The following ZC3H12B variants were observed in gnomAD, a reference collection of about 807,000 sequenced individuals.
The protein encoded by ZC3H12B is probable ribonuclease ZC3H12B.
In ZC3H12B, 7 loss-of-function variants were observed where a neutral mutation model predicts 43.9. The ratio of observed to expected loss-of-function variants is 0.16; its 90% CI spans 0.09 to 0.30. The LOEUF is 0.30. Among genes scored for constraint, ZC3H12B ranks in the 10% least tolerant of loss-of-function variants. The pLI is 1.00. For synonymous variants in ZC3H12B, 222 were observed against 241.7 expected (o/e 0.92, Z 0.76); for missense variants, 475 against 670.2 (o/e 0.71, Z 3.22).
the ZC3H12B span, among the ~76,000 whole-genome samples, chrX:65,318,813 T>G: frequency 1.8e-5 from 2 of 111,246 alleles, no homozygotes; most frequent in Non-Finnish European, 3.8e-5. Flanking sequence ...AATAACCTAC[T>G]CTTGAGTGAC....
chrX:65,472,571 C>A (rs1167261324), intron 3 of ZC3H12B, among the ~76,000 whole-genome samples: 1 of 108,467 alleles, frequency 9.2e-6, no homozygotes, highest in African/African-American at 3.4e-5. Flanking sequence ...ATGTTTAAGT[C>A]TTTAATCCAA....
At chrX:65,061,436 G>C in the ZC3H12B span, among the ~76,000 whole-genome samples, 1 of 112,184 alleles carries the variant, frequency 8.9e-6, no homozygotes, top group African/African-American at 3.2e-5. Context: ...CTGTTCCTGT[G>C]TCAGTTTGCT....
chrX:65,337,869 C>A, the ZC3H12B span, among the ~76,000 whole-genome samples: 4 of 112,307 alleles, frequency 3.6e-5, no homozygotes, highest in Admixed American at 9.4e-5. Context: ...CACAACAATC[C>A]TTAGTACTCA....
At chrX:65,167,314 T>G in the ZC3H12B span, among the ~76,000 whole-genome samples, 10 of 112,071 alleles carry the variant, frequency 8.9e-5, no homozygotes, top group African/African-American at 1.9e-4. Context: ...TTTCCCCATT[T>G]CTGGTTTTTG....
chrX:65,417,617 C>A (rs1055770137), intron 3 of ZC3H12B, among the ~76,000 whole-genome samples: 3 of 112,575 alleles, frequency 2.7e-5, no homozygotes, highest in Non-Finnish European at 5.6e-5. Context: ...CATTCTATGG[C>A]AGATTAAATT....
chrX:65,171,654 G>A, the ZC3H12B span, among the ~76,000 whole-genome samples: 4 of 111,178 alleles, frequency 3.6e-5, no homozygotes, highest in Non-Finnish European at 3.8e-5. Context: ...AGTCTACAGA[G>A]GTAGGCAGGC....
intron 3 of ZC3H12B, among the ~76,000 whole-genome samples, chrX:65,454,859 G>A (rs929076824): frequency 8.9e-5 from 10 of 111,837 alleles, no homozygotes; most frequent in Non-Finnish European, 9.4e-5. Context: ...CTGATACCCA[G>A]GCAAACAGGG....
chrX:65,188,358 AT>A, the ZC3H12B span, among the ~76,000 whole-genome samples: 12,741 of 75,540 alleles, frequency 0.17, 901 homozygotes, highest in African/African-American at 0.3. Flanking sequence ...TGGTTGCTCT[AT>A]TTTTTTTTTT....
the ZC3H12B span, among the ~76,000 whole-genome samples, chrX:65,064,953 A>G: frequency 1.8e-5 from 2 of 110,930 alleles, no homozygotes; most frequent in African/African-American, 3.3e-5. Flanking sequence ...TACATAGACT[A>G]GGATTGCAAC....
At chrX:65,255,633 A>T in the ZC3H12B span, among the ~76,000 whole-genome samples, 1 of 112,238 alleles carries the variant, frequency 8.9e-6, no homozygotes, top group South Asian at 3.7e-4. Flanking sequence ...CCATACAAAA[A>T]GTCTGCATAA....
At chrX:65,123,208 GT>G in the ZC3H12B span, among the ~76,000 whole-genome samples, 2 of 111,616 alleles carry the variant, frequency 1.8e-5, no homozygotes, top group Non-Finnish European at 3.8e-5. Flanking sequence ...TCTTGGTTCT[GT>G]TTATTTGATG....
intron 1 of ZC3H12B, among the ~76,000 whole-genome samples, chrX:65,367,398 C>T (rs1017379652): frequency 9.0e-6 from 1 of 111,379 alleles, no homozygotes; most frequent in African/African-American, 3.3e-5. Context: ...ACAATATCAA[C>T]TCTAGAAAAG....
At chrX:65,377,525 A>G (rs1018488023) in intron 2 of ZC3H12B, among the ~76,000 whole-genome samples, 1 of 110,947 alleles carries the variant, frequency 9.0e-6, no homozygotes, top group African/African-American at 3.3e-5. Context: ...GCAACAAGAC[A>G]AAAGAAACAA....
At chrX:65,438,955 T>A (rs1162677364) in intron 3 of ZC3H12B, among the ~76,000 whole-genome samples, 1 of 112,893 alleles carries the variant, frequency 8.9e-6, no homozygotes. Flanking sequence ...CTCCCTTCTT[T>A]GATTTGCAAA....
At chrX:65,253,310 G>C in the ZC3H12B span, among the ~76,000 whole-genome samples, 1 of 112,264 alleles carries the variant, frequency 8.9e-6, no homozygotes, top group African/African-American at 3.2e-5. Context: ...AACTCCTGGG[G>C]AAAAAGGAAG....
chrX:65,445,914 G>T (rs755558428), intron 3 of ZC3H12B, among the ~76,000 whole-genome samples: 9 of 111,965 alleles, frequency 8.0e-5, no homozygotes, highest in Admixed American at 1.9e-4. Context: ...AGAGCAGAAA[G>T]AGTGTTTTCC....
the ZC3H12B span, among the ~76,000 whole-genome samples, chrX:65,115,257 G>A: frequency 9.2e-6 from 1 of 108,278 alleles, no homozygotes; most frequent in African/African-American, 3.4e-5. Flanking sequence ...TTATGCCTTT[G>A]CATCCTCATA....
At chrX:65,296,198 G>T in the ZC3H12B span, among the ~76,000 whole-genome samples, 1 of 111,653 alleles carries the variant, frequency 9.0e-6, no homozygotes, top group East Asian at 2.8e-4. Context: ...ATGAAATAAT[G>T]GCATTTGCAG....
the ZC3H12B span, among the ~76,000 whole-genome samples, chrX:65,064,572 C>T: frequency 5.1e-4 from 57 of 111,385 alleles, no homozygotes; most frequent in Admixed American, 7.6e-4. Context: ...TACTTCCAAT[C>T]ATGTGGTCAG....
Sources: gnomAD v4.1 joint callset for allele counts (sites outside exome capture counted in the v4.1 genomes callset) on GRCh38, gnomAD v4.1.1 for gene constraint, MANE v1.5 for transcripts, NCBI Gene and HGNC (gene_info 2026-07-23, HGNC 2026-07-21) for gene names.